ATP8A1: variants seen among roughly 807,000 people sequenced by gnomAD.
ATP8A1 encodes phospholipid-transporting ATPase IA.
ATP8A1 carries 90 observed loss-of-function variants against 177.7 expected under a neutral mutation model. The observed-to-expected ratio is 0.51, with a 90% CI of 0.43 to 0.60. ATP8A1 has a LOEUF of 0.60. Among genes scored for constraint, ATP8A1 ranks in the 20% least tolerant of loss-of-function variants. The pLI is 0.00. For missense variants in ATP8A1, 1,072 were observed against 1,392.8 expected, an observed-to-expected ratio of 0.77 and a Z score of 3.67; for synonymous variants, 493 against 485.9, an observed-to-expected ratio of 1.01 and a Z score of -0.19.
intron 24 of ATP8A1, among the ~76,000 whole-genome samples, chr4:42,488,298 T>A (rs2153189831): frequency 6.6e-6 from 1 of 152,056 alleles, no homozygotes; most frequent in Admixed American, 6.5e-5. Context: ...CAGATGAGAG[T>A]GTTTCAGTTC....
chr4:42,467,458 C>G (rs571974276), intron 25 of ATP8A1, among the ~76,000 whole-genome samples: 2 of 152,134 alleles, frequency 1.3e-5, no homozygotes, highest in African/African-American at 4.8e-5. Flanking sequence ...CTTTGGGAGG[C>G]TGAGGTGAGC....
chr4:42,544,126 A>T, intron 19 of ATP8A1, 140 bp from the exon 20 acceptor site: 1 of 653,202 alleles, frequency 1.5e-6, no homozygotes, highest in Non-Finnish European at 2.6e-6. Flanking sequence ...CCACATACAC[A>T]AACTATCCCT....
At chr4:42,444,742 G>C (rs985760288) in intron 31 of ATP8A1, 108 bp from the exon 32 acceptor site, 6 of 1,104,214 alleles carry the variant, frequency 5.4e-6, no homozygotes, top group African/African-American at 4.7e-5. Flanking sequence ...TATGGGACTA[G>C]GAGACTGCTG....
At chr4:42,598,195 A>AG (rs1437251667) in intron 6 of ATP8A1, among the ~76,000 whole-genome samples, 2 of 152,138 alleles carry the variant, frequency 1.3e-5, no homozygotes, top group African/African-American at 4.8e-5. Flanking sequence ...TAACTCTTTT[A>AG]GTCAGTTGAC....
In ATP8A1 at chr4:42,551,195, T is replaced by C; in HGVS notation, c.1602+3A>G. 6.2e-7 allele frequency: 1 copy of C among 1,611,086 alleles called. No homozygotes were observed. The highest frequency in any genetic ancestry group is 8.5e-7 in the Non-Finnish European group (1 of 1,177,372). On this transcript the variant is annotated splice_donor_region_variant and intron_variant, in intron 18 of 36. Transcript: ENST00000381668. ...AAAAGAACCTTAAAAACAACTAACT[T>C]ACTGAATCTATAATCACCGAGTCGG... is the stretch of plus-strand genomic sequence containing the variant.
At chr4:42,545,333 T>C (rs541676715) in intron 19 of ATP8A1, among the ~76,000 whole-genome samples, 5 of 152,318 alleles carry the variant, frequency 3.3e-5, no homozygotes, top group African/African-American at 1.2e-4. Flanking sequence ...ATGCCTCTTT[T>C]ACTCCAGCTT....
At chr4:42,488,674 A>C (rs1722446629) in intron 24 of ATP8A1, among the ~76,000 whole-genome samples, 1 of 152,154 alleles carries the variant, frequency 6.6e-6, no homozygotes, top group South Asian at 2.1e-4. Flanking sequence ...TTCTGAGCCT[A>C]ACTTTCCTTC....
Position 42,634,805 on chromosome 4 carries a change from A to T in ATP8A1, c.50-7696T>A, listed in dbSNP as rs529481184. On this transcript the variant is annotated intron_variant, in intron 1 of 36. Transcript: ENST00000381668. Reference sequence around the variant, plus strand: ...TACTATGGGAGAAAATAAATAGGCTATGTAGTCAGATGTATGTTCAAATTC... The same window carrying T: ...TACTATGGGAGAAAATAAATAGGCTTTGTAGTCAGATGTATGTTCAAATTC... Among the ~76,000 whole-genome samples, 12 of 152,346 alleles carry T rather than the reference A, an allele frequency of 7.9e-5. No homozygotes were observed. The South Asian group carries it at 2.1e-3, about 26-fold the overall frequency.
At chr4:42,524,641 C>T (rs556140549) in intron 21 of ATP8A1, 122 bp downstream of exon 21, 88 of 531,530 alleles carry the variant, frequency 1.7e-4, no homozygotes, top group Admixed American at 5.4e-4. Context: ...ATCTAAATTG[C>T]CAACAGCTGA....
At chr4:42,443,759 A>T (rs1041223684) in intron 32 of ATP8A1, 87 bp from the exon 33 acceptor site, 65 of 666,006 alleles carry the variant, frequency 9.8e-5, no homozygotes, top group Non-Finnish European at 1.3e-4. Flanking sequence ...TTCCCTTATT[A>T]ACTTTTTATT....
At chr4:42,449,070 A>G (rs1002930230) in intron 30 of ATP8A1, among the ~76,000 whole-genome samples, 1 of 151,952 alleles carries the variant, frequency 6.6e-6, no homozygotes, top group Non-Finnish European at 1.5e-5. Flanking sequence ...TCCTGACCTC[A>G]TGTGATCCAC....
At chr4:42,501,753 A>C (rs1296611692) in intron 24 of ATP8A1, among the ~76,000 whole-genome samples, 1 of 152,192 alleles carries the variant, frequency 6.6e-6, no homozygotes, top group Non-Finnish European at 1.5e-5. Context: ...AGCTACGCGA[A>C]GTGATGTTTC....
intron 24 of ATP8A1, among the ~76,000 whole-genome samples, chr4:42,486,535 T>G (rs985743454): frequency 2.6e-5 from 4 of 152,234 alleles, no homozygotes; most frequent in African/African-American, 9.6e-5. Flanking sequence ...TACTTTACTT[T>G]TTACACGACC....
intron 21 of ATP8A1, among the ~76,000 whole-genome samples, chr4:42,523,335 C>T (rs1330070170): frequency 6.6e-6 from 1 of 152,158 alleles, no homozygotes; most frequent in Non-Finnish European, 1.5e-5. Context: ...AACGCCCTCA[C>T]TCCAGGTCAT....
chr4:42,551,616 T>C lies in ATP8A1; in HGVS notation c.1520-336A>G, dbSNP rs563009419. Among the ~76,000 whole-genome samples, 7 of 152,330 alleles carry C rather than the reference T, an allele frequency of 4.6e-5. No individual in the cohort carries two copies. In the South Asian group the frequency reaches 1.0e-3, roughly 23 times the overall value. ...CTTTCTCAAAAGGAATCAGAGAAAATTGCCTTCTAAACTTTTATCCTTTTC... is the reference window on the plus strand; with the variant it reads ...CTTTCTCAAAAGGAATCAGAGAAAACTGCCTTCTAAACTTTTATCCTTTTC... On this transcript the variant is annotated intron_variant, in intron 17 of 36. Transcript: ENST00000381668.
intron 35 of ATP8A1, among the ~76,000 whole-genome samples, chr4:42,420,770 CTTTT>C (rs34285804): frequency 1.6e-5 from 2 of 121,278 alleles, no homozygotes; most frequent in Non-Finnish European, 3.5e-5. Flanking sequence ...AGCTAGAACT[CTTTT>C]TTTTTTTTTT....
chr4:42,568,688 C>T (rs1339644741), intron 15 of ATP8A1, among the ~76,000 whole-genome samples: 2 of 152,186 alleles, frequency 1.3e-5, no homozygotes, highest in Non-Finnish European at 2.9e-5. Context: ...AAAACGTTCA[C>T]TTCATAGCCT....
chr4:42,552,797 G>A (rs542284879), intron 16 of ATP8A1, among the ~76,000 whole-genome samples, 187 bp from the exon 17 acceptor site: 2 of 152,298 alleles, frequency 1.3e-5, no homozygotes, highest in African/African-American at 4.8e-5. Context: ...AGACCAGCCT[G>A]GTGAAACCCC....
At chr4:42,459,058 A>C (rs910355983) in intron 27 of ATP8A1, among the ~76,000 whole-genome samples, 1 of 152,240 alleles carries the variant, frequency 6.6e-6, no homozygotes, top group Non-Finnish European at 1.5e-5. Flanking sequence ...GTATCTGGGA[A>C]TTGATTTAAA....
Sources: gnomAD v4.1 joint callset for allele counts (sites outside exome capture counted in the v4.1 genomes callset) on GRCh38, gnomAD v4.1.1 for gene constraint, MANE v1.5 for transcripts, NCBI Gene and HGNC (gene_info 2026-07-23, HGNC 2026-07-21) for gene names.